The following ATP5F1A variants were observed in gnomAD, a reference collection of about 807,000 sequenced individuals.
ATP5F1A encodes the protein ATP synthase F1 subunit alpha.
In ATP5F1A, 24 loss-of-function variants were observed where a neutral mutation model predicts 57.4. The observed-to-expected ratio is 0.42, with a 90% CI of 0.30 to 0.59. The LOEUF (loss-of-function observed/expected upper bound fraction) is 0.59, where lower values mean the gene tolerates loss of function less well. Ranked by LOEUF, ATP5F1A falls within the 20% of genes least tolerant of loss-of-function variation. The pLI, the probability that ATP5F1A is intolerant of heterozygous loss-of-function variation, is 0.19. For synonymous variants in ATP5F1A, 251 were observed against 255.5 expected (o/e 0.98, Z 0.17); for missense variants, 494 against 707.9 (o/e 0.70, Z 3.43).
At chr18:46,095,156 T>G (rs748789373) in intron 1 of ATP5F1A, 25 bp from the exon 2 acceptor site, 21 of 1,606,920 alleles carry the variant, frequency 1.3e-5, no homozygotes, top group Non-Finnish European at 1.6e-5. Context: ...TTCTTAAAAA[T>G]TTGATTTTTA....
chr18:46,097,953 A>G, intron 1 of ATP5F1A: 1 of 1,294,492 alleles, frequency 7.7e-7, no homozygotes, highest in African/African-American at 1.5e-5. Context: ...TCTGGACACC[A>G]TCGAGTTAAC....
At chr18:46,098,365 A>T (rs879852546), upstream of ATP5F1A, 78 of 1,192,780 alleles carry the variant, frequency 6.5e-5, no homozygotes, top group Admixed American at 2.5e-4. Context: ...CGCGTTCACC[A>T]CCTCTCCCCC....
intron 1 of ATP5F1A, among the ~76,000 whole-genome samples, chr18:46,097,601 G>T (rs912889687): frequency 1.3e-5 from 2 of 152,126 alleles, no homozygotes; most frequent in African/African-American, 4.8e-5. Context: ...GCACCTGCAG[G>T]ACGTTTTCAC....
intron 1 of ATP5F1A, chr18:46,097,797 C>G: frequency 9.5e-7 from 1 of 1,056,386 alleles, no homozygotes; most frequent in Non-Finnish European, 1.1e-6. Context: ...TGACCTTCAG[C>G]GGGACGCGAC....
intron 1 of ATP5F1A, among the ~76,000 whole-genome samples, chr18:46,095,450 G>A (rs1415447524): frequency 6.6e-6 from 1 of 152,032 alleles, no homozygotes; most frequent in Non-Finnish European, 1.5e-5. Flanking sequence ...GAGTAGCTGG[G>A]ACTACAGGGG....
chr18:46,086,072 C>T, intron 10 of ATP5F1A, 41 bp downstream of exon 10: 1 of 1,598,394 alleles, frequency 6.3e-7, no homozygotes, highest in Non-Finnish European at 8.5e-7. Flanking sequence ...GACCCTGATA[C>T]ACAATAGGAA....
rs1024926156 is a variant in ATP5F1A at position 46,086,554 on chromosome 18, A to C, written c.1177-60T>G. 8 of 1,486,134 alleles carry C rather than the reference A, an allele frequency of 5.4e-6. No individual in the cohort carries two copies. In the African/African-American group the frequency reaches 1.1e-4, roughly 21 times the overall value. The allele number at this position is 1,486,134 out of a possible 1,614,324, so 92.1% of individuals were successfully genotyped here. A position where few individuals can be genotyped will look rare whatever the true frequency, so the allele number is the denominator to read the frequency against. On this transcript the variant is annotated intron_variant, in intron 8 of 11. Coordinates refer to ENST00000398752, the MANE Select transcript of ATP5F1A (RefSeq NM_004046.6). ...TAAAGTAAGAAATCAACTATCTTCA[A>C]ATTTAAGTCATTATGCCAAAAAGCT...
Position 46,080,735 on chromosome 18 carries a change from A to AG in ATP5F1A, c.*3546dup, listed in dbSNP as rs1467445539. 3 of 152,064 alleles carry AG rather than the reference A, an allele frequency of 2.0e-5. No individual in the cohort carries two copies. The highest frequency in any genetic ancestry group is 7.2e-5 in the African/African-American group (3 of 41,414). The allele number at this position is 152,064 out of a possible 1,614,324, so 9.4% of individuals were successfully genotyped here. A position where few individuals can be genotyped will look rare whatever the true frequency, so the allele number is the denominator to read the frequency against. ...CTCAAGTGATCGTCCCAAAGTGCTG[A>AG]GATTACAGGCGTAAGCCACTGCGCC... On this transcript the variant is annotated 3_prime_UTR_variant, in exon 12 of 12. Coordinates refer to ENST00000398752, the MANE Select transcript of ATP5F1A (RefSeq NM_004046.6).
chr18:46,088,819 C>T (rs973998931), intron 5 of ATP5F1A: 1 of 151,838 alleles, frequency 6.6e-6, no homozygotes, highest in Admixed American at 6.6e-5. Context: ...CTGCTTGTCC[C>T]GGGGAATGGA....
rs1232221337 is a variant in ATP5F1A, at chr18:46,080,984, G to A, written c.*3298C>T. On this transcript the variant is annotated 3_prime_UTR_variant, in exon 12 of 12. Coordinates refer to ENST00000398752, the MANE Select transcript of ATP5F1A (RefSeq NM_004046.6). ...GTCTCTACTAAAAATACAAAAATTA[G>A]CCAGGCATGGTGGTGCACACCTATA... 6.6e-6 allele frequency: 1 copy of A among 151,056 alleles called. No homozygotes were observed. The highest frequency in any genetic ancestry group is 1.5e-5 in the Non-Finnish European group (1 of 67,888). The allele number at this position is 151,056 out of a possible 1,614,324, so 9.4% of individuals were successfully genotyped here. A position where few individuals can be genotyped will look rare whatever the true frequency, so the allele number is the denominator to read the frequency against.
chr18:46,098,362 A>AAACCCCCC (rs1555696620), upstream of ATP5F1A: 4 of 1,192,930 alleles, frequency 3.4e-6, no homozygotes, highest in African/African-American at 1.6e-5. Context: ...CCTCGCGTTC[A>AAACCCCCC]CCACCTCTCC....
At position 46,089,596 on chromosome 18, in the gene ATP5F1A, C is replaced by T. The variant is rs1555695342; in HGVS notation, c.620G>A (p.Arg207His). 1 of 1,614,184 alleles carries T rather than the reference C, an allele frequency of 6.2e-7. No homozygotes were observed. The highest frequency in any genetic ancestry group is 8.5e-7 in the Non-Finnish European group (1 of 1,180,044). Residue 207 changes from arginine (R) to histidine (H), a missense_variant, in exon 5 of 12, where the codon CGT becomes CAT. Arg to His is a conservative substitution (Grantham distance 29). Coordinates refer to ENST00000398752, the MANE Select transcript of ATP5F1A (RefSeq NM_004046.6). ...DSLVPIGRGQ[R>H]ELIIGDRQTG... ...CTGTCGGTCACCAATAATCAGTTCA[C>T]GCTGACCACGACCAATTGGCACCAA... is the stretch of plus-strand genomic sequence containing the variant.
chr18:46,101,057 G>C (rs1911261022), upstream of ATP5F1A, among the ~76,000 whole-genome samples: 1 of 152,128 alleles, frequency 6.6e-6, no homozygotes, highest in Admixed American at 6.6e-5. Flanking sequence ...GGGCGACAGA[G>C]TGAGACTCCA....
At chr18:46,086,669 G>A in intron 8 of ATP5F1A, 175 bp from the exon 9 acceptor site, 1 of 626,968 alleles carries the variant, frequency 1.6e-6, no homozygotes, top group Non-Finnish European at 2.7e-6. Flanking sequence ...TAGGAGATGT[G>A]CATGAGATGA....
At chr18:46,092,656 T>G (rs1011533586) in intron 2 of ATP5F1A, among the ~76,000 whole-genome samples, 1 of 150,848 alleles carries the variant, frequency 6.6e-6, no homozygotes, top group African/African-American at 2.4e-5. Flanking sequence ...TAACACGAGA[T>G]TCTATTTTTA....
chr18:46,101,480 G>T (rs150831718), upstream of ATP5F1A, among the ~76,000 whole-genome samples: 10,265 of 152,086 alleles, frequency 0.067, 467 homozygotes, highest in African/African-American at 0.13. Context: ...AAGGAGAATC[G>T]CTTGAATCCA....
intron 2 of ATP5F1A, among the ~76,000 whole-genome samples, chr18:46,092,415 C>T (rs1910633508): frequency 6.6e-6 from 1 of 150,736 alleles, no homozygotes; most frequent in Non-Finnish European, 1.5e-5. Context: ...TCGAGACCAG[C>T]CTGGCCAACA....
rs192864721 is a variant in ATP5F1A, at chr18:46,080,855, C to A, written c.*3427G>T. 1 of 151,670 alleles carries A rather than the reference C, an allele frequency of 6.6e-6. No individual in the cohort carries two copies. The highest frequency in any genetic ancestry group is 6.6e-5 in the Admixed American group (1 of 15,246). The allele number at this position is 151,670 out of a possible 1,614,324, so 9.4% of individuals were successfully genotyped here. On this transcript the variant is annotated 3_prime_UTR_variant, in exon 12 of 12. Transcript: ENST00000398752. ...ATCACTGTGCCTGGCGTGGGCCAGG[C>A]ACAGTGGCTCACGCCTGTAATCCCA...
In ATP5F1A at chr18:46,080,259, A is replaced by G. The variant is rs1599762226; in HGVS notation, c.*4023T>C. The G allele has an allele frequency of 6.6e-6, 1 of 152,380 alleles. No homozygotes were observed. Among genetic ancestry groups the G allele is most frequent in the East Asian group, 1.9e-4 (1 of 5,192 alleles). 9.4% of individuals were successfully genotyped at this position (152,380 alleles called of 1,614,324 possible). ...AAAAAGACAAGACCTTACAGTTAAC[A>G]AATAGTTTTTAAAATACAAGTCTGA... On this transcript the variant is annotated 3_prime_UTR_variant, in exon 12 of 12. Transcript: ENST00000398752.
Sources: gnomAD v4.1 joint callset for allele counts (sites outside exome capture counted in the v4.1 genomes callset) on GRCh38, gnomAD v4.1.1 for gene constraint, MANE v1.5 for transcripts, NCBI Gene and HGNC (gene_info 2026-07-23, HGNC 2026-07-21) for gene names.